Variants in GALNTL6 observed in about 807,000 individuals in gnomAD.
GALNTL6 encodes polypeptide N-acetylgalactosaminyltransferase-like 6.
Under a neutral mutation model 73.7 loss-of-function variants are expected in GALNTL6, and 46 were observed. The ratio of observed to expected loss-of-function variants is 0.62; its 90% CI spans 0.49 to 0.80. The LOEUF (loss-of-function observed/expected upper bound fraction) is 0.80, where lower values mean the gene tolerates loss of function less well. GALNTL6 is among the 30% of genes least tolerant of loss of function. The pLI is 0.00. For missense variants in GALNTL6, 604 were observed against 755.0 expected (o/e 0.80, Z 2.34); for synonymous variants, 259 against 263.7 (o/e 0.98, Z 0.17).
Position 173,038,041 on chromosome 4 carries a change from C to T in GALNTL6, c.1639-1892C>T, listed in dbSNP as rs114482888. 3.6e-3 allele frequency among the ~76,000 whole-genome samples: 544 copies of T among 152,248 alleles called. 5 individuals carry two copies. Among genetic ancestry groups the T allele is most frequent in the African/African-American group, 0.012 (500 of 41,546 alleles). ...CACAGGCGTCAGCCACGGTACCCAG[C>T]CCCACATGAGCTATTGATAAAGGTA... On this transcript the variant is annotated intron_variant, in intron 12 of 12. Coordinates refer to ENST00000506823, the MANE Select transcript of GALNTL6 (RefSeq NM_001034845.3).
chr4:172,838,449 C>T (rs1194773659), intron 7 of GALNTL6, among the ~76,000 whole-genome samples: 1 of 152,122 alleles, frequency 6.6e-6, no homozygotes, highest in Non-Finnish European at 1.5e-5. Flanking sequence ...AGGAGTCTTG[C>T]CCATGACTTC....
intron 12 of GALNTL6, among the ~76,000 whole-genome samples, chr4:173,029,423 C>A (rs1561096135): frequency 1.3e-5 from 2 of 152,152 alleles, no homozygotes; most frequent in Admixed American, 1.3e-4. Flanking sequence ...TAATTTGAAC[C>A]CACCTCCATC....
chr4:172,653,795 A>G (rs1363439079), intron 5 of GALNTL6, among the ~76,000 whole-genome samples: 2 of 152,194 alleles, frequency 1.3e-5, no homozygotes, highest in Non-Finnish European at 2.9e-5. Context: ...TACAAATTAT[A>G]ATTTCTGACT....
At chr4:172,377,091 G>A (rs1486277989) in intron 5 of GALNTL6, among the ~76,000 whole-genome samples, 1 of 152,106 alleles carries the variant, frequency 6.6e-6, no homozygotes, top group Non-Finnish European at 1.5e-5. Context: ...TGCTGGCTCG[G>A]GCAGCCTGCG....
chr4:172,567,617 C>T (rs1736604334), intron 5 of GALNTL6, among the ~76,000 whole-genome samples: 3 of 152,154 alleles, frequency 2.0e-5, no homozygotes, highest in African/African-American at 7.2e-5. Context: ...AGGAGGATCA[C>T]TTGAGGCCAG....
chr4:171,978,184 A>G (rs1739778589), intron 2 of GALNTL6, among the ~76,000 whole-genome samples: 1 of 152,190 alleles, frequency 6.6e-6, no homozygotes, highest in South Asian at 2.1e-4. Flanking sequence ...AATCTTAGAT[A>G]AAATATTTAA....
At chr4:172,697,641 C>T (rs959654808) in intron 5 of GALNTL6, among the ~76,000 whole-genome samples, 2 of 152,170 alleles carry the variant, frequency 1.3e-5, no homozygotes, top group Admixed American at 6.6e-5. Context: ...ATGTAAAGGA[C>T]TATTGCTCAG....
At chr4:172,934,021 C>G (rs1318205479) in intron 9 of GALNTL6, among the ~76,000 whole-genome samples, 1 of 152,180 alleles carries the variant, frequency 6.6e-6, no homozygotes, top group African/African-American at 2.4e-5. Flanking sequence ...TATAGAAATA[C>G]ATTTGTAAAA....
At chr4:172,440,380 C>T (rs1731785975) in intron 5 of GALNTL6, among the ~76,000 whole-genome samples, 2 of 152,000 alleles carry the variant, frequency 1.3e-5, no homozygotes, top group Admixed American at 1.3e-4. Context: ...AGAAGCCGAT[C>T]TGGAAAGGCT....
chr4:172,712,962 C>T (rs563742440), intron 5 of GALNTL6, among the ~76,000 whole-genome samples: 17 of 152,118 alleles, frequency 1.1e-4, no homozygotes, highest in African/African-American at 3.6e-4. Context: ...AATTTCCTTA[C>T]GTGCAAAATG....
intron 5 of GALNTL6, among the ~76,000 whole-genome samples, chr4:172,407,802 A>G (rs1461113412): frequency 6.6e-6 from 1 of 152,054 alleles, no homozygotes; most frequent in Non-Finnish European, 1.5e-5. Context: ...ATAAAGAGAA[A>G]ATGGAATTGA....
intron 5 of GALNTL6, among the ~76,000 whole-genome samples, chr4:172,355,234 T>C (rs757598279): frequency 2.6e-5 from 4 of 152,212 alleles, no homozygotes; most frequent in Middle Eastern, 3.4e-3. Flanking sequence ...ATTTTCAGTT[T>C]AATTATTTTA....
intron 5 of GALNTL6, among the ~76,000 whole-genome samples, chr4:172,446,780 C>T (rs530189396): frequency 6.6e-6 from 1 of 152,128 alleles, no homozygotes; most frequent in African/African-American, 2.4e-5. Flanking sequence ...TTCATCATGT[C>T]CCCTTGAGAG....
chr4:171,908,610 G>A (rs1737375371), intron 2 of GALNTL6, among the ~76,000 whole-genome samples: 1 of 151,214 alleles, frequency 6.6e-6, no homozygotes, highest in Non-Finnish European at 1.5e-5. Flanking sequence ...TCTAGAACTA[G>A]AAATACCATT....
intron 5 of GALNTL6, among the ~76,000 whole-genome samples, chr4:172,681,155 A>T (rs1198203311): frequency 6.6e-6 from 1 of 152,168 alleles, no homozygotes; most frequent in Non-Finnish European, 1.5e-5. Context: ...ATCAAGCAGA[A>T]TCTATCAATT....
At chr4:172,629,843 G>A (rs1420318890) in intron 5 of GALNTL6, among the ~76,000 whole-genome samples, 1 of 152,096 alleles carries the variant, frequency 6.6e-6, no homozygotes, top group African/African-American at 2.4e-5. Context: ...TGACACCCTA[G>A]GACTTGTGTT....
intron 5 of GALNTL6, among the ~76,000 whole-genome samples, chr4:172,664,501 A>T (rs749523573): frequency 4.6e-5 from 7 of 152,188 alleles, no homozygotes; most frequent in Non-Finnish European, 8.8e-5. Flanking sequence ...TCTGGACATA[A>T]CTAAGGTATG....
chr4:172,799,320 C>T (rs1294441076), intron 5 of GALNTL6, among the ~76,000 whole-genome samples: 1 of 152,166 alleles, frequency 6.6e-6, no homozygotes, highest in African/African-American at 2.4e-5. Flanking sequence ...CTAATCTATG[C>T]TGCAGTGGGG....
At chr4:172,263,596 A>C (rs565893563) in intron 3 of GALNTL6, among the ~76,000 whole-genome samples, 2 of 151,478 alleles carry the variant, frequency 1.3e-5, no homozygotes, top group East Asian at 1.9e-4. Context: ...AAATTGATTT[A>C]CTTAAATTTA....
Sources: allele counts gnomAD v4.1 joint callset (sites outside exome capture counted in the v4.1 genomes callset), GRCh38; gene constraint gnomAD v4.1.1; transcripts MANE v1.5; gene names NCBI Gene and HGNC (gene_info 2026-07-23, HGNC 2026-07-21).